EFR3A: variants seen among roughly 807,000 people sequenced by gnomAD.
EFR3A encodes the protein protein EFR3 homolog A.
A neutral mutation model predicts 104.4 loss-of-function variants in EFR3A; 76 were observed. The ratio of observed to expected loss-of-function variants is 0.73; its 90% confidence interval spans 0.60 to 0.88. The LOEUF (loss-of-function observed/expected upper bound fraction) is 0.88. Ranked by LOEUF, EFR3A falls within the 40% of genes least tolerant of loss-of-function variation. EFR3A has a pLI of 0.00. For synonymous variants in EFR3A, 330 were observed against 330.0 expected, an observed-to-expected ratio of 1.00 and a Z score of 0.00; for missense variants, 985 against 1,012.5, an observed-to-expected ratio of 0.97 and a Z score of 0.37.
intron 1 of EFR3A, among the ~76,000 whole-genome samples, chr8:131,926,364 G>A (rs927807580): frequency 6.6e-6 from 1 of 151,792 alleles, no homozygotes; most frequent in African/African-American, 2.4e-5. Flanking sequence ...ACTTTTTTGG[G>A]TGTAAAAATA....
intron 18 of EFR3A, among the ~76,000 whole-genome samples, chr8:131,995,650 A>C (rs926446865): frequency 6.6e-6 from 1 of 152,168 alleles, no homozygotes; most frequent in Non-Finnish European, 1.5e-5. Flanking sequence ...TTTTATTTAA[A>C]AGCGCTGTCA....
At chr8:131,952,475 T>C (rs1260276723) in intron 5 of EFR3A, among the ~76,000 whole-genome samples, 1 of 152,146 alleles carries the variant, frequency 6.6e-6, no homozygotes, top group East Asian at 1.9e-4. Context: ...CACCGCTATC[T>C]GCTGCTGCAC....
chr8:131,937,216 A>G (rs890360981), intron 1 of EFR3A, among the ~76,000 whole-genome samples: 2 of 152,190 alleles, frequency 1.3e-5, no homozygotes, highest in African/African-American at 4.8e-5. Context: ...ATGTTACTTC[A>G]GGAGTATGTA....
intron 8 of EFR3A, among the ~76,000 whole-genome samples, chr8:131,960,954 CT>C (rs1294527840): frequency 1.3e-5 from 2 of 152,176 alleles, no homozygotes; most frequent in African/African-American, 4.8e-5. Context: ...CAAACAGGGT[CT>C]GGAGTGGACC....
chr8:131,917,022 A>G (rs1357914085), intron 1 of EFR3A, among the ~76,000 whole-genome samples: 2 of 152,248 alleles, frequency 1.3e-5, no homozygotes, highest in African/African-American at 4.8e-5. Context: ...GCAGTTTGCA[A>G]GTAGAAATTA....
At position 131,984,930 on chromosome 8, in the gene EFR3A, A is replaced by T. The variant is rs1282131869; in HGVS notation, c.1739A>T (p.Asp580Val). The T allele has an allele frequency of 6.2e-7, 1 of 1,613,040 alleles. No individual in the cohort carries two copies. The highest frequency in any genetic ancestry group is 1.7e-5 in the Admixed American group (1 of 59,922). The change falls in exon 16 of 23, where the codon GAC becomes GTC. Residue 580 changes from aspartate (D) to valine (V), a missense_variant and splice_region_variant. Asp to Val is a radical substitution (Grantham distance 152). Transcript: ENST00000254624. ...DLIRLAIALQ[D>V]SAIINEDNLP... ...TGATGTGTTTGTTTCTTATTAAAGG[A>T]CAGTGCAATTATCAATGAGGATAAT...
intron 22 of EFR3A, among the ~76,000 whole-genome samples, chr8:132,003,597 T>C (rs1821895765): frequency 6.6e-6 from 1 of 152,230 alleles, no homozygotes; most frequent in Non-Finnish European, 1.5e-5. Context: ...AATATTATGC[T>C]TAATTAGGAA....
At chr8:131,965,638 T>G (rs1464317481) in intron 8 of EFR3A, among the ~76,000 whole-genome samples, 1 of 152,222 alleles carries the variant, frequency 6.6e-6, no homozygotes, top group Non-Finnish European at 1.5e-5. Flanking sequence ...TCAACCATTG[T>G]GGAAGGCAGT....
intron 6 of EFR3A, among the ~76,000 whole-genome samples, chr8:131,954,369 T>C (rs1053246976): frequency 2.0e-5 from 3 of 151,932 alleles, no homozygotes; most frequent in African/African-American, 7.2e-5. Context: ...AAAATAATAA[T>C]GATAATGATA....
At chr8:131,940,770 A>G (rs1429489944) in intron 2 of EFR3A, 195 bp downstream of exon 2, 2 of 904,508 alleles carry the variant, frequency 2.2e-6, no homozygotes, top group Non-Finnish European at 3.1e-6. Flanking sequence ...AGATCCTTTT[A>G]GTAGATTAGG....
chr8:131,939,581 T>C (rs1228207247), intron 1 of EFR3A, among the ~76,000 whole-genome samples: 1 of 152,164 alleles, frequency 6.6e-6, no homozygotes, highest in Non-Finnish European at 1.5e-5. Context: ...TACAGAAAAC[T>C]TGAAACATTA....
At chr8:131,937,969 A>G (rs1464208131) in intron 1 of EFR3A, among the ~76,000 whole-genome samples, 2 of 152,008 alleles carry the variant, frequency 1.3e-5, no homozygotes, top group Admixed American at 6.6e-5. Flanking sequence ...TGAAAAACCT[A>G]CTTTTATTAA....
intron 18 of EFR3A, among the ~76,000 whole-genome samples, chr8:131,991,100 C>T (rs1350263202): frequency 2.0e-5 from 3 of 152,090 alleles, no homozygotes; most frequent in East Asian, 3.9e-4. Context: ...GAAGGTCTCA[C>T]AATCATCATG....
At chr8:131,999,103 C>T (rs1821653431) in intron 19 of EFR3A, among the ~76,000 whole-genome samples, 1 of 151,898 alleles carries the variant, frequency 6.6e-6, no homozygotes, top group South Asian at 2.1e-4. Context: ...TCTCTAAAAG[C>T]TTATAGTAAG....
intron 14 of EFR3A, among the ~76,000 whole-genome samples, chr8:131,983,604 C>A (rs1820724301): frequency 6.6e-6 from 1 of 152,012 alleles, no homozygotes; most frequent in South Asian, 2.1e-4. Flanking sequence ...TCTATAACCT[C>A]TTCTCTGTTA....
At chr8:131,955,701 T>C in intron 6 of EFR3A, 67 bp from the exon 7 acceptor site, 1 of 1,510,980 alleles carries the variant, frequency 6.6e-7, no homozygotes, top group Non-Finnish European at 8.9e-7. Context: ...AAAAGTAAAG[T>C]ATATTTTGTT....
At chr8:131,922,101 C>G (rs187723908) in intron 1 of EFR3A, among the ~76,000 whole-genome samples, 21 of 152,236 alleles carry the variant, frequency 1.4e-4, no homozygotes, top group African/African-American at 5.1e-4. Context: ...TACTGTAGTC[C>G]TTGGAGTTCC....
rs555534858 is a variant in EFR3A at position 131,985,512 on chromosome 8, T to G, written c.1869+452T>G. Among the ~76,000 whole-genome samples, 12 of 152,344 alleles carry G rather than the reference T, an allele frequency of 7.9e-5. No homozygotes were observed. The South Asian group carries it at 1.5e-3, about 18-fold the overall frequency. ...GTTGTCTTTAGCAGTAACTCTTACA[T>G]GGTTATTTGCATGACTTAATAAACA... On this transcript the variant is annotated intron_variant, in intron 16 of 22. Coordinates refer to ENST00000254624, the MANE Select transcript of EFR3A (RefSeq NM_015137.6).
rs76954264 is a variant in EFR3A at position 131,975,179 on chromosome 8, G to A, written c.1160-848G>A. Among the ~76,000 whole-genome samples, 640 of 152,222 alleles carry A rather than the reference G, an allele frequency of 4.2e-3. 4 individuals are homozygous for A. The highest frequency in any genetic ancestry group is 0.015 in the African/African-American group (618 of 41,534). On this transcript the variant is annotated intron_variant, in intron 10 of 22. Transcript: ENST00000254624. ...AGTTATTTACTTATTTTTTACATCA[G>A]TTGAATTATGTATGTTGAATTAATT...
Sources: gnomAD v4.1 joint callset for allele counts (sites outside exome capture counted in the v4.1 genomes callset) on GRCh38, gnomAD v4.1.1 for gene constraint, MANE v1.5 for transcripts, NCBI Gene and HGNC (gene_info 2026-07-23, HGNC 2026-07-21) for gene names.